HSPA14: variants seen among roughly 807,000 people sequenced by gnomAD.
The protein encoded by HSPA14 is heat shock 70 kDa protein 14.
In HSPA14, 37 loss-of-function variants were observed where a neutral mutation model predicts 65.5. The ratio of observed to expected loss-of-function variants is 0.56; its 90% CI spans 0.43 to 0.74. The LOEUF (loss-of-function observed/expected upper bound fraction) is 0.74, where lower values mean the gene tolerates loss of function less well. Ranked by LOEUF, HSPA14 falls within the 30% of genes least tolerant of loss-of-function variation. The pLI, the probability that HSPA14 is intolerant of heterozygous loss-of-function variation, is 0.00. For missense variants in HSPA14, 564 were observed against 607.6 expected, an observed-to-expected ratio of 0.93 and a Z score of 0.75; for synonymous variants, 203 against 214.2, an observed-to-expected ratio of 0.95 and a Z score of 0.46.
chr10:14,864,108 C>T (rs1271998887), intron 10 of HSPA14, among the ~76,000 whole-genome samples: 1 of 151,788 alleles, frequency 6.6e-6, no homozygotes, highest in Non-Finnish European at 1.5e-5. Flanking sequence ...GTCCCAGCTA[C>T]TCGGGAGACT....
In HSPA14 at chr10:14,864,579, G is replaced by C. The variant is rs542911694; in HGVS notation, c.994-2504G>C. On this transcript the variant is annotated intron_variant, in intron 10 of 13. Coordinates refer to ENST00000378372, the MANE Select transcript of HSPA14 (RefSeq NM_016299.4). ...TCCCACCTATGAGTGAGAACATGCG[G>C]TGTTTGGTTTTTTGTCCTTGCGATA... 6.2e-4 allele frequency among the ~76,000 whole-genome samples: 95 copies of C among 152,166 alleles called. 2 individuals carry two copies. Among genetic ancestry groups the C allele is most frequent in the Admixed American group, 6.2e-3 (95 of 15,284 alleles).
rs1448586599 is a variant in HSPA14 at position 14,844,613 on chromosome 10, A to C, written c.222-3996A>C. The C allele has an allele frequency of 7.1e-6, 7 of 985,360 alleles. No homozygotes were observed. In the East Asian group the frequency reaches 7.9e-4, roughly 112 times the overall value. The allele number at this position is 985,360 out of a possible 1,614,324, so 61.0% of individuals were successfully genotyped here. On this transcript the variant is annotated intron_variant, in intron 3 of 13. Coordinates refer to ENST00000378372, the MANE Select transcript of HSPA14 (RefSeq NM_016299.4). ...TCTCTCCTTCATTTTACTGGTTCTTAGTCTCCTATCAATATAAGGAAATAA... is the reference window on the plus strand; with the variant it reads ...TCTCTCCTTCATTTTACTGGTTCTTCGTCTCCTATCAATATAAGGAAATAA...
At position 14,843,674 on chromosome 10, in the gene HSPA14, G is replaced by T. The variant is rs936139628; in HGVS notation, c.221+3517G>T. The T allele has an allele frequency of 1.9e-6, 3 of 1,546,228 alleles. No individual in the cohort carries two copies. In the African/African-American group the frequency reaches 4.1e-5, roughly 21 times the overall value. ...GCAGCCGAGTTGGCAGAAAACAGGC[G>T]ATTGGCACGAGAACTCTCAAAGCGG... On this transcript the variant is annotated intron_variant, in intron 3 of 13. Coordinates refer to ENST00000378372, the MANE Select transcript of HSPA14 (RefSeq NM_016299.4).
chr10:14,842,239 G>C lies in HSPA14; in HGVS notation c.221+2082G>C. The stretch of plus-strand genomic sequence containing the variant: ...AGAGCTTCCCCACACCTTCAGACTT[G>C]CACCTTGCTGTCCAGAAGCTGCCTA... On this transcript the variant is annotated intron_variant, in intron 3 of 13. Coordinates refer to ENST00000378372, the MANE Select transcript of HSPA14 (RefSeq NM_016299.4). The surrounding 1 kb of genome is among the most constrained non-coding windows in gnomAD (Gnocchi z 5.2). 6.5e-7 allele frequency: 1 copy of C among 1,535,646 alleles called. No individual in the cohort carries two copies. The highest frequency in any genetic ancestry group is 8.7e-7 in the Non-Finnish European group (1 of 1,146,684).
chr10:14,856,433 C>T (rs1832693159), intron 10 of HSPA14, among the ~76,000 whole-genome samples: 1 of 152,200 alleles, frequency 6.6e-6, no homozygotes, highest in African/African-American at 2.4e-5. Flanking sequence ...TGTGTCTCCT[C>T]ATAACTAGTA....
chr10:14,849,677 T>C, intron 5 of HSPA14, 44 bp from the exon 6 acceptor site: 1 of 1,366,040 alleles, frequency 7.3e-7, no homozygotes, highest in Non-Finnish European at 1.0e-6. Context: ...GTATCACTTG[T>C]CATTTTCTTC....
At chr10:14,848,748 T>C (rs776010439) in intron 4 of HSPA14, 42 bp from the exon 5 acceptor site, 1 of 1,435,182 alleles carries the variant, frequency 7.0e-7, no homozygotes, top group Non-Finnish European at 9.6e-7. Flanking sequence ...TGCATTTTTA[T>C]TAAAAATTAT....
At chr10:14,870,780 A>T in intron 13 of HSPA14, 113 bp downstream of exon 13, 9 of 1,029,854 alleles carry the variant, frequency 8.7e-6, no homozygotes, top group Non-Finnish European at 1.1e-5. Flanking sequence ...AAAAACCTAC[A>T]GAGGTTTTTA....
At position 14,866,715 on chromosome 10, in the gene HSPA14, CT is replaced by C. The variant is rs1832809800; in HGVS notation, c.994-364del. ...TCACAAAAATGCTTTAAGATTCAAA[CT>C]TTTAAAAAAAAAACTTGGACAGTAC... On this transcript the variant is annotated intron_variant, in intron 10 of 13. Coordinates refer to ENST00000378372, the MANE Select transcript of HSPA14 (RefSeq NM_016299.4). Among the ~76,000 whole-genome samples, 4 of 151,910 alleles carry C rather than the reference CT, an allele frequency of 2.6e-5. No individual in the cohort carries two copies. In the South Asian group the frequency reaches 6.2e-4, roughly 24 times the overall value.
chr10:14,842,451 G>A lies in HSPA14; in HGVS notation c.221+2294G>A, dbSNP rs748421413. On this transcript the variant is annotated intron_variant, in intron 3 of 13. Transcript: ENST00000378372. The surrounding 1 kb of genome is among the most constrained non-coding windows in gnomAD (Gnocchi z 5.2). Reference sequence around the variant, plus strand: ...AAGCGAATGCAGCAGGAGGGCTTCCGCCGCACCGAACGTCAGTGCCGCTCC... The same window carrying A: ...AAGCGAATGCAGCAGGAGGGCTTCCACCGCACCGAACGTCAGTGCCGCTCC... The A allele has an allele frequency of 5.2e-6, 8 of 1,536,170 alleles. No individual in the cohort carries two copies. The highest frequency in any genetic ancestry group is 2.0e-5 in the Admixed American group (1 of 51,004).
intron 3 of HSPA14, chr10:14,845,024 T>C: frequency 2.0e-6 from 2 of 985,476 alleles, no homozygotes; most frequent in Non-Finnish European, 1.2e-6. Context: ...TTGTTTCCTC[T>C]TTAACTTTGG....
chr10:14,852,819 C>T (rs1038545996), intron 8 of HSPA14, among the ~76,000 whole-genome samples: 3 of 152,158 alleles, frequency 2.0e-5, no homozygotes, highest in Non-Finnish European at 2.9e-5. Context: ...ATGTAGTGCT[C>T]TTCTGTCTGG....
rs748941219 is a variant in HSPA14 at position 14,871,648 on chromosome 10, A to G, written c.*42A>G. The G allele has an allele frequency of 2.7e-6, 3 of 1,094,412 alleles. No homozygotes were observed. Among genetic ancestry groups the G allele is most frequent in the South Asian group, 1.4e-5 (1 of 74,052 alleles). The allele number at this position is 1,094,412 out of a possible 1,614,324, so 67.8% of individuals were successfully genotyped here. On this transcript the variant is annotated 3_prime_UTR_variant, in exon 14 of 14. Coordinates refer to ENST00000378372, the MANE Select transcript of HSPA14 (RefSeq NM_016299.4). ...AGAATTTTTAAAAACAAGAATATCA[A>G]CATTTGGTTTTGTGTATAAGTGGTG... is the stretch of plus-strand genomic sequence containing the variant.
intron 8 of HSPA14, among the ~76,000 whole-genome samples, chr10:14,853,457 C>T (rs1401192676): frequency 6.6e-6 from 1 of 152,170 alleles, no homozygotes; most frequent in Non-Finnish European, 1.5e-5. Flanking sequence ...ACATAAATCT[C>T]CTTATCTCCT....
At chr10:14,843,639 C>T (rs1426676364) in intron 3 of HSPA14, 1 of 1,550,244 alleles carries the variant, frequency 6.5e-7, no homozygotes, top group Non-Finnish European at 8.7e-7. Context: ...GGTCAGTGGC[C>T]AGGACTATCG....
Position 14,867,724 on chromosome 10 carries a change from C to T in HSPA14, c.1207-12C>T. Reference sequence around the variant, plus strand: ...ATACCAAAGAGTATGCACCTTGTTTCCTGCTAACTAGGGTGTGGACGAATC... The same window carrying T: ...ATACCAAAGAGTATGCACCTTGTTTTCTGCTAACTAGGGTGTGGACGAATC... On this transcript the variant is annotated splice_polypyrimidine_tract_variant and intron_variant, in intron 11 of 13. Coordinates refer to ENST00000378372, the MANE Select transcript of HSPA14 (RefSeq NM_016299.4). 6.2e-7 allele frequency: 1 copy of T among 1,605,360 alleles called. No individual in the cohort carries two copies. The highest frequency in any genetic ancestry group is 8.5e-7 in the Non-Finnish European group (1 of 1,177,118).
chr10:14,868,244 G>T (rs1028540624), intron 12 of HSPA14, among the ~76,000 whole-genome samples: 3 of 152,158 alleles, frequency 2.0e-5, no homozygotes, highest in Admixed American at 6.5e-5. Context: ...TTTTACAGAT[G>T]ATTAAGAAGT....
chr10:14,871,362 C>T (rs1832853046), intron 13 of HSPA14, among the ~76,000 whole-genome samples, 166 bp from the exon 14 acceptor site: 1 of 152,184 alleles, frequency 6.6e-6, no homozygotes, highest in Non-Finnish European at 1.5e-5. Flanking sequence ...ATGACACTTA[C>T]TAAATTTAGA....
intron 3 of HSPA14, 89 bp from the exon 4 acceptor site, chr10:14,848,520 G>C: frequency 1.2e-6 from 1 of 861,622 alleles, no homozygotes; most frequent in Non-Finnish European, 1.9e-6. Flanking sequence ...TTTGTTCAGT[G>C]ATATTGTGAA....
Sources: gnomAD v4.1 joint callset for allele counts (sites outside exome capture counted in the v4.1 genomes callset) on GRCh38, gnomAD v4.1.1 for gene constraint, Gnocchi (gnomAD v3.1) non-coding constraint, MANE v1.5 for transcripts, NCBI Gene and HGNC (gene_info 2026-07-23, HGNC 2026-07-21) for gene names.